GPATCH2L: variants seen among roughly 807,000 people sequenced by gnomAD.
GPATCH2L encodes the protein G-patch domain containing 2 like, also known as G patch domain-containing protein 2-like.
Under a neutral mutation model 57.4 loss-of-function variants are expected in GPATCH2L, and 31 were observed. That is an observed-to-expected ratio of 0.54 (90% CI 0.41 to 0.73). The LOEUF (loss-of-function observed/expected upper bound fraction) is 0.73, where lower values mean the gene tolerates loss of function less well. GPATCH2L is among the 30% of genes least tolerant of loss of function. The pLI is 0.00. For missense variants in GPATCH2L, 481 were observed against 599.9 expected, an observed-to-expected ratio of 0.80 and a Z score of 2.07; for synonymous variants, 199 against 210.7, an observed-to-expected ratio of 0.94 and a Z score of 0.48.
chr14:76,221,043 TAAA>T, intron 1 of GPATCH2L, among the ~76,000 whole-genome samples: 1 of 140,614 alleles, frequency 7.1e-6, no homozygotes, highest in East Asian at 2.0e-4. Context: ...AAGACTGATT[TAAA>T]AAAAAAAAAG....
intron 3 of GPATCH2L, among the ~76,000 whole-genome samples, chr14:76,171,502 C>T (rs1336549607): frequency 2.6e-5 from 4 of 151,854 alleles, no homozygotes; most frequent in East Asian, 1.9e-4. Context: ...TGCTTGAACC[C>T]GGGAGGGGAG....
At chr14:76,214,715 G>C (rs115792839), downstream of GPATCH2L, among the ~76,000 whole-genome samples, 1 of 152,154 alleles carries the variant, frequency 6.6e-6, no homozygotes, top group Non-Finnish European at 1.5e-5. Context: ...CACTTTGGGG[G>C]TTAGGATTTC....
chr14:76,197,111 TC>T (rs1370430188), intron 9 of GPATCH2L, among the ~76,000 whole-genome samples: 2 of 152,150 alleles, frequency 1.3e-5, no homozygotes, highest in Admixed American at 6.6e-5. Context: ...TTAAATCACT[TC>T]CCTGAGGCCA....
intron 8 of GPATCH2L, among the ~76,000 whole-genome samples, chr14:76,194,340 A>G (rs1318828627): frequency 2.0e-5 from 3 of 152,206 alleles, no homozygotes; most frequent in Admixed American, 6.5e-5. Context: ...GGAATTTTCC[A>G]AACCACTGGC....
intron 8 of GPATCH2L, among the ~76,000 whole-genome samples, chr14:76,189,474 G>T (rs1036900242): frequency 1.3e-5 from 2 of 151,644 alleles, no homozygotes; most frequent in Non-Finnish European, 2.9e-5. Context: ...CTATAAATGG[G>T]GTTAATTTTT....
intron 8 of GPATCH2L, among the ~76,000 whole-genome samples, chr14:76,190,564 A>T (rs972415498): frequency 6.6e-6 from 1 of 152,128 alleles, no homozygotes; most frequent in Admixed American, 6.5e-5. Flanking sequence ...ATGAAACAGA[A>T]CAGGCATAGC....
chr14:76,194,850 G>A (rs922032121), intron 8 of GPATCH2L, among the ~76,000 whole-genome samples: 8 of 152,036 alleles, frequency 5.3e-5, no homozygotes, highest in African/African-American at 1.9e-4. Context: ...TTCATTCATA[G>A]CAGTTTTAAT....
In GPATCH2L at chr14:76,231,622, TACACACACACAC is replaced by T. The variant is rs60488808; in HGVS notation, c.*117+1686_*117+1697del. Reference sequence around the variant, plus strand: ...TGGCTAAAATTAGAAACTAAACACATACACACACACACACACACACACACACACTCTTCTGGT... The same window carrying T: ...TGGCTAAAATTAGAAACTAAACACATACACACACACACACACTCTTCTGGT... On this transcript the variant is annotated intron_variant and NMD_transcript_variant, in intron 2 of 3. Transcript: ENST00000556372. 5.9e-4 allele frequency among the ~76,000 whole-genome samples: 87 copies of T among 147,472 alleles called. 1 individual carries two copies. The highest frequency in any genetic ancestry group is 2.2e-3 in the African/African-American group (87 of 39,840).
intron 3 of GPATCH2L, among the ~76,000 whole-genome samples, chr14:76,171,462 A>G (rs2039079667): frequency 6.6e-6 from 1 of 152,166 alleles, no homozygotes; most frequent in Non-Finnish European, 1.5e-5. Context: ...TTGTAATGCC[A>G]GCTACTCAGG....
intron 9 of GPATCH2L, among the ~76,000 whole-genome samples, chr14:76,196,958 T>G (rs1298087783): frequency 1.3e-5 from 2 of 152,156 alleles, no homozygotes; most frequent in Non-Finnish European, 2.9e-5. Flanking sequence ...GTCTGATGAT[T>G]ATAGTACTTT....
chr14:76,203,308 A>C lies in GPATCH2L; in HGVS notation c.*1457A>C, dbSNP rs2040338995. On this transcript the variant is annotated 3_prime_UTR_variant, in exon 10 of 10. Coordinates refer to ENST00000261530, the MANE Select transcript of GPATCH2L (RefSeq NM_017926.4). ...AAGTTTACATGGCACTTTAAGACTGAGAACATATCAATTGTTCATAATCAG... is the reference window on the plus strand; with the variant it reads ...AAGTTTACATGGCACTTTAAGACTGCGAACATATCAATTGTTCATAATCAG... The C allele has an allele frequency of 6.6e-6, 1 of 152,260 alleles. No individual in the cohort carries two copies. The highest frequency in any genetic ancestry group is 2.4e-5 in the African/African-American group (1 of 41,466). 9.4% of individuals were successfully genotyped at this position (152,260 alleles called of 1,614,324 possible). A position where few individuals can be genotyped will look rare whatever the true frequency, so the allele number is the denominator to read the frequency against.
At chr14:76,200,186 GTTA>G (rs1358367487) in intron 9 of GPATCH2L, among the ~76,000 whole-genome samples, 1 of 152,144 alleles carries the variant, frequency 6.6e-6, no homozygotes, top group East Asian at 1.9e-4. Context: ...AATGGGGGGA[GTTA>G]TTGTTTAATG....
At chr14:76,177,555 G>A (rs1335456235) in intron 6 of GPATCH2L, among the ~76,000 whole-genome samples, 1 of 152,054 alleles carries the variant, frequency 6.6e-6, no homozygotes, top group Non-Finnish European at 1.5e-5. Flanking sequence ...AAATAAAGAT[G>A]TGGGTGTGGT....
chr14:76,152,581 G>A, intron 1 of GPATCH2L: 1 of 448,808 alleles, frequency 2.2e-6, no homozygotes, highest in African/African-American at 2.0e-5. Flanking sequence ...CTCTGCCCGG[G>A]TGCGTGCCTG....
At chr14:76,166,782 A>G in intron 3 of GPATCH2L, 55 bp downstream of exon 3, 1 of 1,189,562 alleles carries the variant, frequency 8.4e-7, no homozygotes, top group Non-Finnish European at 1.3e-6. Context: ...AAATATTTGA[A>G]TAATCATAGG....
downstream of GPATCH2L, among the ~76,000 whole-genome samples, chr14:76,216,658 G>GT (rs1308597221): frequency 2.0e-5 from 3 of 152,008 alleles, no homozygotes; most frequent in East Asian, 1.9e-4. Context: ...AATGCCATCA[G>GT]TTTTTTTTCT....
rs1232256280 is a variant in GPATCH2L, at chr14:76,208,163, A to G, written c.*6312A>G. 6.6e-6 allele frequency: 1 copy of G among 152,222 alleles called. No homozygotes were observed. Among genetic ancestry groups the G allele is most frequent in the Non-Finnish European group, 1.5e-5 (1 of 68,034 alleles). 9.4% of individuals were successfully genotyped at this position (152,222 alleles called of 1,614,324 possible). A position where few individuals can be genotyped will look rare whatever the true frequency, so the allele number is the denominator to read the frequency against. ...GTTAGAAGGCTTTAAGATGTAAATT[A>G]TATAAGTTAATGTTTTCTTTCCCTA... On this transcript the variant is annotated 3_prime_UTR_variant, in exon 10 of 10. Transcript: ENST00000261530.
chr14:76,232,394 G>A (rs2040576317), intron 2 of GPATCH2L, among the ~76,000 whole-genome samples: 1 of 152,110 alleles, frequency 6.6e-6, no homozygotes, highest in South Asian at 2.1e-4. Context: ...CTGCCTCCTG[G>A]GTTCAAGCGA....
At chr14:76,182,966 C>G (rs910995991) in intron 8 of GPATCH2L, among the ~76,000 whole-genome samples, 1 of 152,198 alleles carries the variant, frequency 6.6e-6, no homozygotes, top group Non-Finnish European at 1.5e-5. Context: ...AAAATAATGT[C>G]TGTGTATACT....
Sources: gnomAD v4.1 joint callset for allele counts (sites outside exome capture counted in the v4.1 genomes callset) on GRCh38, gnomAD v4.1.1 for gene constraint, MANE v1.5 for transcripts, NCBI Gene and HGNC (gene_info 2026-07-23, HGNC 2026-07-21) for gene names.